PPP6R2: variants seen among roughly 807,000 people sequenced by gnomAD.
PPP6R2 encodes protein phosphatase 6 regulatory subunit 2.
Under a neutral mutation model 100.2 loss-of-function variants are expected in PPP6R2, and 62 were observed. The observed-to-expected ratio is 0.62, with a 90% CI of 0.50 to 0.76. PPP6R2 has a LOEUF of 0.76. Ranked by LOEUF, PPP6R2 falls within the 30% of genes least tolerant of loss-of-function variation. The probability of loss-of-function intolerance (pLI) is 0.00; values close to 1 mark genes in which losing one functional copy is unlikely to be tolerated. For synonymous variants in PPP6R2, 525 were observed against 514.7 expected, an observed-to-expected ratio of 1.02 and a Z score of -0.27; for missense variants, 1,142 against 1,276.3, an observed-to-expected ratio of 0.89 and a Z score of 1.60.
intron 4 of PPP6R2, among the ~76,000 whole-genome samples, chr22:50,407,770 C>T (rs746730807): frequency 2.0e-5 from 3 of 152,330 alleles, no homozygotes; most frequent in South Asian, 2.1e-4. Flanking sequence ...CCCTGCAGTC[C>T]GCCTTGGCCA....
At chr22:50,371,311 A>G (rs1385097124) in intron 1 of PPP6R2, among the ~76,000 whole-genome samples, 1 of 152,074 alleles carries the variant, frequency 6.6e-6, no homozygotes, top group Admixed American at 6.6e-5. Context: ...GGGTGTCTGC[A>G]CTAAGTTCGG....
rs146435427 is a variant in PPP6R2, at chr22:50,363,522, G to A, written c.-147-8498G>A. ...CCAATGCTCATGCAAAGCTTTTTCC[G>A]GAGGAAGATTCTCCACCTTTTCACT... On this transcript the variant is annotated intron_variant, in intron 1 of 23. Transcript: ENST00000612753. 1.1e-3 allele frequency among the ~76,000 whole-genome samples: 166 copies of A among 152,230 alleles called. 1 individual carries two copies. The highest frequency in any genetic ancestry group is 2.0e-3 in the Non-Finnish European group (135 of 68,012).
chr22:50,391,285 C>G (rs2055469336), intron 2 of PPP6R2, among the ~76,000 whole-genome samples: 1 of 150,980 alleles, frequency 6.6e-6, no homozygotes, highest in East Asian at 2.0e-4. Flanking sequence ...TACAAAAAAT[C>G]AGCTGGGCAT....
chr22:50,442,161 C>G (rs558579912), intron 22 of PPP6R2, among the ~76,000 whole-genome samples: 4 of 152,200 alleles, frequency 2.6e-5, no homozygotes, highest in Admixed American at 6.5e-5. Context: ...AGCCTGCATG[C>G]GTCCCACCTG....
In PPP6R2 at chr22:50,369,905, A is replaced by ATTT. The variant is rs1353992863; in HGVS notation, c.-147-2095_-147-2093dup. Among the ~76,000 whole-genome samples the ATTT allele has an allele frequency of 6.4e-4, 79 of 123,626 alleles. 1 individual carries two copies. Among genetic ancestry groups the ATTT allele is most frequent in the African/African-American group, 2.3e-3 (68 of 30,040 alleles). The allele number at this position is 123,626 out of a possible 152,430, so 81.1% of individuals were successfully genotyped here. The stretch of plus-strand genomic sequence containing the variant: ...GTGTGCCACCACACCCAGCTAAGTA[A>ATTT]TTTTTTTTTTTTTTTTTTTTTTAAG... On this transcript the variant is annotated intron_variant, in intron 1 of 23. Transcript: ENST00000612753.
chr22:50,441,461 C>G (rs750314846), intron 22 of PPP6R2, among the ~76,000 whole-genome samples: 1 of 152,192 alleles, frequency 6.6e-6, no homozygotes, highest in Admixed American at 6.5e-5. Context: ...ACTTTTAAGT[C>G]TGGCAGGCGA....
intron 2 of PPP6R2, among the ~76,000 whole-genome samples, chr22:50,385,065 C>A (rs1201523097): frequency 6.6e-6 from 1 of 152,098 alleles, no homozygotes; most frequent in Admixed American, 6.6e-5. Context: ...TTTTATAAAG[C>A]CACCAGTTCC....
chr22:50,422,121 C>T lies in PPP6R2; in HGVS notation c.846-133C>T, dbSNP rs922508079. Reference sequence around the variant, plus strand: ...GATCACGTGTGGAGACGCTGGGTAGCTGCACTGCTCTAGGGTTTCTTTTTG... The same window carrying T: ...GATCACGTGTGGAGACGCTGGGTAGTTGCACTGCTCTAGGGTTTCTTTTTG... On this transcript the variant is annotated intron_variant, in intron 8 of 23. Coordinates refer to ENST00000612753, the MANE Select transcript of PPP6R2 (RefSeq NM_001242898.2). 3 of 1,140,456 alleles carry T rather than the reference C, an allele frequency of 2.6e-6. No homozygotes were observed. In the Admixed American group the frequency reaches 7.4e-5, roughly 28 times the overall value. The allele number at this position is 1,140,456 out of a possible 1,614,324, so 70.6% of individuals were successfully genotyped here. A position where few individuals can be genotyped will look rare whatever the true frequency, so the allele number is the denominator to read the frequency against.
At chr22:50,365,551 C>A (rs1013761958) in intron 1 of PPP6R2, among the ~76,000 whole-genome samples, 2 of 151,522 alleles carry the variant, frequency 1.3e-5, no homozygotes, top group African/African-American at 2.4e-5. Context: ...TGGTGGCGGG[C>A]GCCTGTAGTC....
chr22:50,437,174 G>T, intron 15 of PPP6R2, 106 bp downstream of exon 15: 1 of 1,161,742 alleles, frequency 8.6e-7, no homozygotes, highest in Non-Finnish European at 1.3e-6. Context: ...TAGCAAAGGG[G>T]AGCGGGGGCT....
rs906065148 is a variant in PPP6R2 at position 50,431,141 on chromosome 22, T to C, written c.1126-32T>C. On this transcript the variant is annotated intron_variant, in intron 10 of 23. Transcript: ENST00000612753. This position sits in a 1 kb window ranked among gnomAD's most constrained non-coding sequence, Gnocchi z 4.8. ...TGTAGCCGGCAGGAGAAAACCGATC[T>C]AAGAACTGTCTTCTGTCCTCTGTTT... The C allele has an allele frequency of 2.5e-5, 39 of 1,554,280 alleles. No homozygotes were observed. Among genetic ancestry groups the C allele is most frequent in the Non-Finnish European group, 3.5e-5 (39 of 1,128,866 alleles).
intron 1 of PPP6R2, among the ~76,000 whole-genome samples, chr22:50,357,913 CGCACCTG>C (rs553214999): frequency 1.4e-3 from 208 of 151,630 alleles, no homozygotes; most frequent in African/African-American, 4.7e-3. Context: ...TGTGAGCCAC[CGCACCTG>C]GCACCTGGCC....
At chr22:50,356,495 C>A (rs1260210073) in intron 1 of PPP6R2, among the ~76,000 whole-genome samples, 2 of 151,886 alleles carry the variant, frequency 1.3e-5, no homozygotes, top group Non-Finnish European at 2.9e-5. Flanking sequence ...TTAGTAGAGA[C>A]AAGATTTTGC....
At chr22:50,378,822 G>A (rs1441324127) in intron 2 of PPP6R2, among the ~76,000 whole-genome samples, 1 of 150,990 alleles carries the variant, frequency 6.6e-6, no homozygotes, top group Non-Finnish European at 1.5e-5. Flanking sequence ...TGAGACTGCA[G>A]TGAGCCATGA....
intron 1 of PPP6R2, among the ~76,000 whole-genome samples, chr22:50,367,094 G>A (rs931778199): frequency 1.1e-4 from 17 of 152,020 alleles, no homozygotes; most frequent in African/African-American, 4.1e-4. Flanking sequence ...TTAAGTTAGT[G>A]TAGAAATACT....
chr22:50,384,628 T>G (rs2053829915), intron 2 of PPP6R2, among the ~76,000 whole-genome samples: 1 of 152,246 alleles, frequency 6.6e-6, no homozygotes, highest in Non-Finnish European at 1.5e-5. Context: ...GAGGCATATC[T>G]GGTGGGGGCC....
At chr22:50,359,993 T>C (rs2047446513) in intron 1 of PPP6R2, among the ~76,000 whole-genome samples, 3 of 152,052 alleles carry the variant, frequency 2.0e-5, no homozygotes, top group East Asian at 3.8e-4. Context: ...ATTTTTGTTT[T>C]CAAAGGATAT....
chr22:50,351,284 C>T (rs1354776053), intron 1 of PPP6R2, among the ~76,000 whole-genome samples: 2 of 145,902 alleles, frequency 1.4e-5, no homozygotes, highest in Admixed American at 7.0e-5. Flanking sequence ...AAGTGATCCG[C>T]CCGCCTTGGC....
intron 22 of PPP6R2, among the ~76,000 whole-genome samples, chr22:50,442,481 C>T (rs1220917613): frequency 6.6e-6 from 1 of 152,256 alleles, no homozygotes; most frequent in Non-Finnish European, 1.5e-5. Flanking sequence ...CAGGCCAGAG[C>T]CCCTCGGGTT....
Sources: allele counts gnomAD v4.1 joint callset (sites outside exome capture counted in the v4.1 genomes callset), GRCh38; gene constraint gnomAD v4.1.1; non-coding constraint Gnocchi (gnomAD v3.1); transcripts MANE v1.5; gene names NCBI Gene and HGNC (gene_info 2026-07-23, HGNC 2026-07-21).